ADGRL1: variants seen among roughly 807,000 people sequenced by gnomAD.
ADGRL1 encodes the protein CIRL-1.
A neutral mutation model predicts 148.9 loss-of-function variants in ADGRL1; 31 were observed. The observed-to-expected ratio is 0.21, with a 90% CI of 0.16 to 0.28. The LOEUF (loss-of-function observed/expected upper bound fraction) is 0.28. ADGRL1 is among the 10% of genes least tolerant of loss of function. ADGRL1 has a pLI of 1.00. For synonymous variants in ADGRL1, 937 were observed against 900.3 expected (o/e 1.04, Z -0.73); for missense variants, 1,521 against 2,058.8 (o/e 0.74, Z 5.05).
chr19:14,166,078 G>T lies in ADGRL1; in HGVS notation c.395-2672C>A, dbSNP rs537138216. Among the ~76,000 whole-genome samples the T allele has an allele frequency of 7.2e-5, 11 of 152,170 alleles. No individual in the cohort carries two copies. The South Asian group carries it at 1.9e-3, about 26-fold the overall frequency. ...TCTGCTAGAAATTACGGAGTCTGTG[G>T]AAGTCCCCAGACTGTGCCCCCGCCG... On this transcript the variant is annotated intron_variant, in intron 4 of 22. Coordinates refer to ENST00000361434, the MANE Select transcript of ADGRL1 (RefSeq NM_014921.5).
intron 1 of ADGRL1, among the ~76,000 whole-genome samples, chr19:14,201,280 A>T (rs1599528186): frequency 7.4e-6 from 1 of 134,796 alleles, no homozygotes; most frequent in South Asian, 2.4e-4. Context: ...AGGGAGGGGC[A>T]CTGGCTATTC....
intron 22 of ADGRL1, among the ~76,000 whole-genome samples, 157 bp downstream of exon 22, chr19:14,151,976 C>T (rs948256362): frequency 6.6e-6 from 1 of 152,140 alleles, no homozygotes; most frequent in African/African-American, 2.4e-5. Context: ...ATCCATTATC[C>T]TCCATTCGGC....
chr19:14,173,094 G>C (rs1212781622), intron 3 of ADGRL1, among the ~76,000 whole-genome samples: 2 of 151,978 alleles, frequency 1.3e-5, no homozygotes, highest in African/African-American at 4.8e-5. Context: ...CAAGGAGCTG[G>C]GACTACAGGT....
At chr19:14,171,913 C>T (rs181811684) in intron 3 of ADGRL1, among the ~76,000 whole-genome samples, 3 of 152,302 alleles carry the variant, frequency 2.0e-5, no homozygotes, top group African/African-American at 7.2e-5. Flanking sequence ...AGGCAGGACA[C>T]GGGCATGCAG....
intron 1 of ADGRL1, among the ~76,000 whole-genome samples, chr19:14,185,418 C>T (rs1172373042): frequency 1.3e-5 from 2 of 152,182 alleles, no homozygotes; most frequent in Admixed American, 6.5e-5. Context: ...TTCAGCCTTT[C>T]GAGTAGCTGG....
chr19:14,184,600 TTTTTA>T (rs1361941887), intron 1 of ADGRL1, among the ~76,000 whole-genome samples: 1 of 146,458 alleles, frequency 6.8e-6, no homozygotes, highest in African/African-American at 2.5e-5. Flanking sequence ...CACCAGCTAA[TTTTTA>T]TTTTATTTAT....
chr19:14,160,795 G>A lies in ADGRL1; in HGVS notation c.1511-99C>T, dbSNP rs543231020. The A allele has an allele frequency of 2.1e-5, 16 of 746,364 alleles. No homozygotes were observed. The highest frequency in any genetic ancestry group is 5.2e-5 in the East Asian group (2 of 38,668). 46.2% of individuals were successfully genotyped at this position (746,364 alleles called of 1,614,324 possible). A position where few individuals can be genotyped will look rare whatever the true frequency, so the allele number is the denominator to read the frequency against. Reference sequence around the variant, plus strand: ...AAGGAGATGACAGAGAGTGGGGGACGAGCGGGCGAAGAGGGAGGTGAGGGA... The same window carrying A: ...AAGGAGATGACAGAGAGTGGGGGACAAGCGGGCGAAGAGGGAGGTGAGGGA... On this transcript the variant is annotated intron_variant, in intron 6 of 22. Coordinates refer to ENST00000361434, the MANE Select transcript of ADGRL1 (RefSeq NM_014921.5). This position sits in a 1 kb window ranked among gnomAD's most constrained non-coding sequence, Gnocchi z 5.9.
intron 3 of ADGRL1, chr19:14,171,196 G>A (rs1259760870): frequency 5.1e-6 from 1 of 195,168 alleles, no homozygotes; most frequent in Non-Finnish European, 1.1e-5. Flanking sequence ...CTCCCCAGAA[G>A]CAGAAGCTAC....
chr19:14,183,483 C>G lies in ADGRL1; in HGVS notation c.70+50G>C, dbSNP rs1012057196. On this transcript the variant is annotated intron_variant, in intron 2 of 22. Coordinates refer to ENST00000361434, the MANE Select transcript of ADGRL1 (RefSeq NM_014921.5). Reference sequence around the variant, plus strand: ...GTTTTCAACATTTTATCTGCCCCCCCCAGAAGGGTTTGGGAGCCGCGGCCC... The same window carrying G: ...GTTTTCAACATTTTATCTGCCCCCCGCAGAAGGGTTTGGGAGCCGCGGCCC... 33 of 1,509,440 alleles carry G rather than the reference C, an allele frequency of 2.2e-5. No individual in the cohort carries two copies. The Admixed American group carries it at 6.6e-4, about 30-fold the overall frequency. The allele number at this position is 1,509,440 out of a possible 1,614,324, so 93.5% of individuals were successfully genotyped here.
chr19:14,165,442 AG>A (rs1458035673), intron 4 of ADGRL1, among the ~76,000 whole-genome samples: 2 of 152,018 alleles, frequency 1.3e-5, no homozygotes, highest in African/African-American at 2.4e-5. Context: ...AGAGGGTGTC[AG>A]GGGGGAAAAA....
chr19:14,192,019 C>T (rs985750446), intron 1 of ADGRL1, among the ~76,000 whole-genome samples: 25 of 151,988 alleles, frequency 1.6e-4, no homozygotes, highest in Admixed American at 4.6e-4. Context: ...ATTGGGATAC[C>T]AGTCCTCTGA....
intron 2 of ADGRL1, 129 bp from the exon 3 acceptor site, chr19:14,177,873 G>T: frequency 1.3e-6 from 1 of 744,920 alleles, no homozygotes; most frequent in Non-Finnish European, 2.2e-6. Flanking sequence ...AGCCTCAGTT[G>T]ATTCAGCTGT....
At position 14,159,420 on chromosome 19, in the gene ADGRL1, C is replaced by T; in HGVS notation, c.2004G>A (p.Leu668=). Residue 668 remains leucine, a synonymous_variant, in exon 10 of 23, where the codon CTG becomes CTA. Coordinates refer to ENST00000361434, the MANE Select transcript of ADGRL1 (RefSeq NM_014921.5). The surrounding 1 kb of genome is among the most constrained non-coding windows in gnomAD (Gnocchi z 6.0). ...ADNVREPARF[L]AAKENVVLEV... ...ACTCACCCACGTTCTCCTTGGCAGC[C>T]AGGAAGCGGGCAGGCTCCCTGACAT... 1 of 1,610,726 alleles carries T rather than the reference C, an allele frequency of 6.2e-7. No homozygotes were observed. The highest frequency in any genetic ancestry group is 8.5e-7 in the Non-Finnish European group (1 of 1,178,094).
chr19:14,181,438 G>T (rs1045388450), intron 2 of ADGRL1, among the ~76,000 whole-genome samples: 4 of 152,244 alleles, frequency 2.6e-5, no homozygotes, highest in African/African-American at 9.6e-5. Flanking sequence ...TCGAACAGTG[G>T]CTGGGCGCGG....
At chr19:14,172,482 G>A (rs1970542098) in intron 3 of ADGRL1, among the ~76,000 whole-genome samples, 1 of 152,082 alleles carries the variant, frequency 6.6e-6, no homozygotes, top group Non-Finnish European at 1.5e-5. Context: ...GCTCACACCT[G>A]TAATCCCAGA....
In ADGRL1 at chr19:14,151,621, G is replaced by A. The variant is rs1199317632; in HGVS notation, c.3668-6C>T. On this transcript the variant is annotated splice_polypyrimidine_tract_variant and splice_region_variant and intron_variant, in intron 22 of 22. Transcript: ENST00000361434. ...CCGGCCTCCCAAGGGGTGCTCTGCA[G>A]GGCAGAAAGGGGCTGGTCAGGTTGA... The A allele has an allele frequency of 1.3e-6, 2 of 1,583,338 alleles. No individual in the cohort carries two copies. Among genetic ancestry groups the A allele is most frequent in the Admixed American group, 1.8e-5 (1 of 56,522 alleles).
chr19:14,172,787 G>T (rs1302839337), intron 3 of ADGRL1, among the ~76,000 whole-genome samples: 1 of 152,126 alleles, frequency 6.6e-6, no homozygotes, highest in Non-Finnish European at 1.5e-5. Context: ...TATGGGGCGT[G>T]TCCATGCTGT....
chr19:14,183,974 A>T (rs1163937683), intron 1 of ADGRL1, among the ~76,000 whole-genome samples: 1 of 152,158 alleles, frequency 6.6e-6, no homozygotes, highest in African/African-American at 2.4e-5. Flanking sequence ...GATCCCAGGC[A>T]GGCCTTGGAC....
intron 3 of ADGRL1, chr19:14,171,054 C>T (rs1232582567): frequency 7.6e-6 from 3 of 395,692 alleles, no homozygotes. Context: ...TCACCATCCC[C>T]TCCGTGCTGT....
Sources: allele counts gnomAD v4.1 joint callset (sites outside exome capture counted in the v4.1 genomes callset), GRCh38; gene constraint gnomAD v4.1.1; non-coding constraint Gnocchi (gnomAD v3.1); transcripts MANE v1.5; gene names NCBI Gene and HGNC (gene_info 2026-07-23, HGNC 2026-07-21).